GRHL2: variants seen among roughly 807,000 people sequenced by gnomAD.
GRHL2 encodes grainyhead like transcription factor 2.
GRHL2 carries 21 observed loss-of-function variants against 83.8 expected under a neutral mutation model. The ratio of observed to expected loss-of-function variants is 0.25; its 90% confidence interval spans 0.18 to 0.36. GRHL2 has a LOEUF of 0.36. Ranked by LOEUF, GRHL2 falls within the 10% of genes least tolerant of loss-of-function variation. GRHL2 has a pLI of 1.00. For synonymous variants in GRHL2, 280 were observed against 278.9 expected (o/e 1.00, Z -0.04); for missense variants, 623 against 781.8 (o/e 0.80, Z 2.42).
intron 8 of GRHL2, among the ~76,000 whole-genome samples, chr8:101,603,431 G>T (rs546034809): frequency 1.3e-5 from 2 of 152,156 alleles, no homozygotes; most frequent in African/African-American, 4.8e-5. Context: ...TTTCTCCAAA[G>T]CATACATTTT....
intron 7 of GRHL2, among the ~76,000 whole-genome samples, chr8:101,582,015 A>G (rs1408357485): frequency 1.3e-5 from 2 of 152,240 alleles, no homozygotes; most frequent in African/African-American, 4.8e-5. Flanking sequence ...TGGCAGGCAG[A>G]TCACTTGAAG....
At chr8:101,679,407 A>C in the GRHL2 span, among the ~76,000 whole-genome samples, 2 of 150,098 alleles carry the variant, frequency 1.3e-5, no homozygotes, top group African/African-American at 5.0e-5. Context: ...CAAAGCCTCC[A>C]AGAAATATGG....
At chr8:101,603,689 GA>G (rs760500798) in intron 8 of GRHL2, among the ~76,000 whole-genome samples, 6 of 152,220 alleles carry the variant, frequency 3.9e-5, no homozygotes, top group Non-Finnish European at 7.3e-5. Flanking sequence ...TGCTGGTTGT[GA>G]GACAGAGTCT....
chr8:101,625,744 A>G (rs1813067424), intron 9 of GRHL2, among the ~76,000 whole-genome samples: 1 of 152,054 alleles, frequency 6.6e-6, no homozygotes, highest in Non-Finnish European at 1.5e-5. Flanking sequence ...AATAGCTCCT[A>G]TTTTACGTAT....
chr8:101,673,074 A>C (rs899693466), downstream of GRHL2, among the ~76,000 whole-genome samples: 40 of 151,268 alleles, frequency 2.6e-4, no homozygotes, highest in Middle Eastern at 3.4e-3. Context: ...GGAAAGGAAC[A>C]ACCGGTACCA....
intron 8 of GRHL2, among the ~76,000 whole-genome samples, chr8:101,618,916 A>G (rs1812907939): frequency 6.6e-6 from 1 of 152,098 alleles, no homozygotes. Flanking sequence ...TGATATGTTG[A>G]GGAAACAGTG....
At chr8:101,583,217 G>A (rs868362190) in intron 7 of GRHL2, among the ~76,000 whole-genome samples, 1 of 152,316 alleles carries the variant, frequency 6.6e-6, no homozygotes, top group South Asian at 2.1e-4. Flanking sequence ...ATTTCAGGGA[G>A]GTAATTCTGA....
chr8:101,629,193 C>T (rs1813136324), intron 9 of GRHL2, among the ~76,000 whole-genome samples: 1 of 152,082 alleles, frequency 6.6e-6, no homozygotes, highest in South Asian at 2.1e-4. Context: ...GAAATTGTTA[C>T]AGCCACCCCA....
At chr8:101,596,700 A>G (rs1812398899) in intron 7 of GRHL2, among the ~76,000 whole-genome samples, 1 of 152,262 alleles carries the variant, frequency 6.6e-6, no homozygotes. Context: ...CATATTTTTG[A>G]GAAAGGTAGG....
the GRHL2 span, among the ~76,000 whole-genome samples, chr8:101,676,495 T>A: frequency 6.6e-6 from 1 of 152,124 alleles, no homozygotes; most frequent in South Asian, 2.1e-4. Context: ...GAAATGCACA[T>A]CAAAACCACA....
At chr8:101,522,891 A>G (rs988121672) in intron 1 of GRHL2, among the ~76,000 whole-genome samples, 2 of 151,690 alleles carry the variant, frequency 1.3e-5, no homozygotes, top group Non-Finnish European at 2.9e-5. Context: ...TGGGACCACA[A>G]AGTAGAAATC....
rs574939438 is a variant in GRHL2, at chr8:101,554,524, TA to T, written c.284+1751del. Among the ~76,000 whole-genome samples the T allele has an allele frequency of 6.3e-3, 948 of 150,252 alleles. 13 individuals are homozygous for T. The highest frequency in any genetic ancestry group is 0.021 in the African/African-American group (832 of 40,002). ...CTTTTGTGATTTTCATAGAGCACTT[TA>T]AAAAAAAACTGCAGTGAAGTATAGA... On this transcript the variant is annotated intron_variant, in intron 3 of 15. Transcript: ENST00000646743.
intron 1 of GRHL2, among the ~76,000 whole-genome samples, chr8:101,531,214 C>T (rs1410906729): frequency 8.3e-6 from 1 of 119,806 alleles, no homozygotes; most frequent in Non-Finnish European, 1.8e-5. Context: ...CAGAGCAAGA[C>T]CTTATCTCAA....
the GRHL2 span, among the ~76,000 whole-genome samples, chr8:101,675,667 A>T: frequency 6.6e-6 from 1 of 152,138 alleles, no homozygotes; most frequent in Non-Finnish European, 1.5e-5. Flanking sequence ...GCCATCCCCA[A>T]CAAGCTACCA....
intron 1 of GRHL2, among the ~76,000 whole-genome samples, chr8:101,538,085 C>A (rs1175985708): frequency 6.6e-6 from 1 of 152,170 alleles, no homozygotes; most frequent in African/African-American, 2.4e-5. Context: ...ACATGCATTG[C>A]GTGACGGGCA....
intron 6 of GRHL2, 154 bp downstream of exon 6, chr8:101,573,978 G>A: frequency 2.4e-6 from 2 of 829,612 alleles, no homozygotes; most frequent in Admixed American, 2.1e-5. Context: ...AGCACTTATT[G>A]GCTCGTAGTT....
Position 101,649,448 on chromosome 8 carries a change from G to C in GRHL2, c.1647G>C (p.Val549=), listed in dbSNP as rs145736102. The change falls in exon 14 of 16, where the codon GTG becomes GTC. Residue 549 remains valine (V), a synonymous_variant. Coordinates refer to ENST00000646743, the MANE Select transcript of GRHL2 (RefSeq NM_024915.4). ...ACGTGAGGAAGGAGACTGACGATGT[G>C]TTCGATGCATTGATGTTGAAGTCTC... ...LLYVRKETDD[V]FDALMLKSPT... 5.6e-6 allele frequency: 9 copies of C among 1,614,114 alleles called. No homozygotes were observed. Among genetic ancestry groups the C allele is most frequent in the Non-Finnish European group, 7.6e-6 (9 of 1,180,000 alleles).
In GRHL2 at chr8:101,552,824, C is replaced by T. The variant is rs1025196865; in HGVS notation, c.284+42C>T. 5.8e-6 allele frequency: 9 copies of T among 1,562,470 alleles called. No individual in the cohort carries two copies. The African/African-American group carries it at 1.1e-4, about 19-fold the overall frequency. On this transcript the variant is annotated intron_variant, in intron 3 of 15. Transcript: ENST00000646743. Reference sequence around the variant, plus strand: ...GGCCCCCAGAATAACTCTATGTTTTCTAAAAAACAATGTTATTAAACTGTA... The same window carrying T: ...GGCCCCCAGAATAACTCTATGTTTTTTAAAAAACAATGTTATTAAACTGTA...
intron 13 of GRHL2, among the ~76,000 whole-genome samples, chr8:101,646,149 T>C (rs1330451196): frequency 6.6e-6 from 1 of 152,164 alleles, no homozygotes; most frequent in Non-Finnish European, 1.5e-5. Context: ...TTACAGGTAT[T>C]AGCCACCATG....
Sources: gnomAD v4.1 joint callset for allele counts (sites outside exome capture counted in the v4.1 genomes callset) on GRCh38, gnomAD v4.1.1 for gene constraint, MANE v1.5 for transcripts, NCBI Gene and HGNC (gene_info 2026-07-23, HGNC 2026-07-21) for gene names.